COA1: variants seen among roughly 807,000 people sequenced by gnomAD.
COA1 encodes cytochrome c oxidase assembly factor 1.
A neutral mutation model predicts 16.0 loss-of-function variants in COA1; 13 were observed. The observed-to-expected ratio is 0.81, with a 90% CI of 0.53 to 1.29. The LOEUF (loss-of-function observed/expected upper bound fraction) is 1.29, where lower values mean the gene tolerates loss of function less well. Ranked by LOEUF, COA1 falls within the 50% of genes most tolerant of loss-of-function variation. The pLI is 0.00. For missense variants in COA1, 179 were observed against 177.0 expected, an observed-to-expected ratio of 1.01 and a Z score of -0.06; for synonymous variants, 65 against 65.7, an observed-to-expected ratio of 0.99 and a Z score of 0.05.
intron 1 of COA1, among the ~76,000 whole-genome samples, chr7:43,680,924 T>C (rs111412641): frequency 3.9e-5 from 6 of 152,110 alleles, no homozygotes; most frequent in East Asian, 1.9e-4. Flanking sequence ...TGAGCAAAGA[T>C]TGCCCCATTA....
chr7:43,635,501 G>A (rs916313364), downstream of COA1, among the ~76,000 whole-genome samples: 16 of 152,146 alleles, frequency 1.1e-4, no homozygotes, highest in African/African-American at 3.4e-4. Context: ...TCTTAGGGAC[G>A]AAGGCAAAGT....
chr7:43,679,007 G>A (rs2093650042), intron 1 of COA1, among the ~76,000 whole-genome samples: 1 of 152,134 alleles, frequency 6.6e-6, no homozygotes, highest in Admixed American at 6.5e-5. Flanking sequence ...GGCCAGGCGT[G>A]GTGGCTCACG....
chr7:43,718,483 T>C (rs898438251), intron 1 of COA1, among the ~76,000 whole-genome samples: 2 of 152,354 alleles, frequency 1.3e-5, no homozygotes, highest in Admixed American at 1.3e-4. Context: ...GTTTTCCCAA[T>C]TTGGAATTAC....
chr7:43,671,941 G>A (rs2093289653), intron 1 of COA1, among the ~76,000 whole-genome samples: 1 of 152,136 alleles, frequency 6.6e-6, no homozygotes, highest in South Asian at 2.1e-4. Flanking sequence ...GGAACTGTGA[G>A]TAAATGAAAC....
chr7:43,682,266 GTAGT>G (rs2093803011), intron 1 of COA1, among the ~76,000 whole-genome samples: 1 of 152,174 alleles, frequency 6.6e-6, no homozygotes, highest in South Asian at 2.1e-4. Context: ...AATGTAGTAA[GTAGT>G]TAGTAGAAAC....
chr7:43,719,431 T>A (rs1424440255), intron 1 of COA1, among the ~76,000 whole-genome samples: 5 of 152,204 alleles, frequency 3.3e-5, no homozygotes, highest in African/African-American at 1.2e-4. Context: ...GAGGCAAGGC[T>A]GTCATACAGA....
At chr7:43,727,109 A>G (rs1405334105) in intron 1 of COA1, among the ~76,000 whole-genome samples, 1 of 152,234 alleles carries the variant, frequency 6.6e-6, no homozygotes, top group East Asian at 1.9e-4. Flanking sequence ...ATCACTCTGT[A>G]GTCCCTAAAT....
chr7:43,671,763 C>T (rs926253082), intron 1 of COA1, among the ~76,000 whole-genome samples: 2 of 152,168 alleles, frequency 1.3e-5, no homozygotes, highest in African/African-American at 4.8e-5. Context: ...AATCAGATCA[C>T]AGGGCAGTTT....
chr7:43,692,107 C>G (rs147097213), intron 1 of COA1, among the ~76,000 whole-genome samples: 1 of 152,336 alleles, frequency 6.6e-6, no homozygotes, highest in African/African-American at 2.4e-5. Context: ...CCATATCTCA[C>G]AGCCTGGGAA....
At chr7:43,680,223 G>A (rs555155990) in intron 1 of COA1, among the ~76,000 whole-genome samples, 6 of 150,698 alleles carry the variant, frequency 4.0e-5, no homozygotes, top group East Asian at 1.9e-4. Flanking sequence ...CTTTTTCCCC[G>A]GAGAGCCATT....
intron 6 of COA1, chr7:43,623,944 G>C: frequency 8.0e-7 from 1 of 1,242,904 alleles, no homozygotes; most frequent in East Asian, 3.1e-5. Context: ...AAAAAATTCA[G>C]TATTAAAAAA....
At chr7:43,678,640 A>C (rs1280723813) in intron 1 of COA1, among the ~76,000 whole-genome samples, 1 of 152,234 alleles carries the variant, frequency 6.6e-6, no homozygotes, top group East Asian at 1.9e-4. Context: ...AAATTCAAAA[A>C]TGGGAAGAGG....
intron 1 of COA1, among the ~76,000 whole-genome samples, chr7:43,671,346 G>GA (rs537178869): frequency 0.052 from 7,207 of 138,002 alleles, 244 homozygotes; most frequent in South Asian, 0.093. Context: ...CACAGAAACG[G>GA]AAAAAAAAAA....
intron 1 of COA1, among the ~76,000 whole-genome samples, chr7:43,691,050 A>G (rs2094255065): frequency 1.2e-5 from 1 of 83,932 alleles, no homozygotes; most frequent in Admixed American, 1.2e-4. Context: ...AGACCTCATC[A>G]CTACAAAAAA....
intron 1 of COA1, among the ~76,000 whole-genome samples, chr7:43,688,066 A>G (rs1333174762): frequency 6.6e-6 from 1 of 152,202 alleles, no homozygotes; most frequent in East Asian, 1.9e-4. Context: ...TCACCATGTA[A>G]GAAGTGCCTT....
chr7:43,690,334 T>C (rs993771587), intron 1 of COA1, among the ~76,000 whole-genome samples: 1 of 152,056 alleles, frequency 6.6e-6, no homozygotes, highest in Admixed American at 6.5e-5. Context: ...CAATTTGCAA[T>C]TGCAAAACTA....
chr7:43,690,739 C>G (rs1388394491), intron 1 of COA1, among the ~76,000 whole-genome samples: 1 of 151,896 alleles, frequency 6.6e-6, no homozygotes, highest in Non-Finnish European at 1.5e-5. Context: ...GACTAAAAGG[C>G]AGAGATTGTC....
At chr7:43,624,850 T>G in intron 6 of COA1, 1 of 1,578,694 alleles carries the variant, frequency 6.3e-7, no homozygotes, top group Non-Finnish European at 8.6e-7. Context: ...TGAGCAATAT[T>G]TCCCTTTAGA....
At chr7:43,650,616 C>T (rs556729786) in intron 1 of COA1, 2 of 152,180 alleles carry the variant, frequency 1.3e-5, no homozygotes, top group East Asian at 1.9e-4. Flanking sequence ...GCAAACCTGC[C>T]GCTGAGTTGG....
Sources: allele counts gnomAD v4.1 joint callset (sites outside exome capture counted in the v4.1 genomes callset), GRCh38; gene constraint gnomAD v4.1.1; transcripts MANE v1.5; gene names NCBI Gene and HGNC (gene_info 2026-07-23, HGNC 2026-07-21).